The following FHIT variants were observed in gnomAD, a reference collection of about 807,000 sequenced individuals.
The protein encoded by FHIT is bis(5'-adenosyl)-triphosphatase.
FHIT carries 19 observed loss-of-function variants against 17.9 expected under a neutral mutation model. The observed-to-expected ratio is 1.06, with a 90% CI of 0.74 to 1.56. FHIT has a LOEUF of 1.56. FHIT is among the 40% of genes most tolerant of loss of function. The probability of loss-of-function intolerance (pLI) is 0.00; values close to 1 mark genes in which losing one functional copy is unlikely to be tolerated. For synonymous variants in FHIT, 81 were observed against 69.7 expected (o/e 1.16, Z -0.81); for missense variants, 248 against 189.2 (o/e 1.31, Z -1.82).
At chr3:59,813,000 T>G (rs570665807) in intron 8 of FHIT, among the ~76,000 whole-genome samples, 2 of 152,292 alleles carry the variant, frequency 1.3e-5, no homozygotes, top group East Asian at 3.9e-4. Context: ...CAGTAAGTCC[T>G]AATCACGCTT....
intron 2 of FHIT, among the ~76,000 whole-genome samples, chr3:61,186,941 G>T (rs1197253779): frequency 1.3e-5 from 2 of 152,066 alleles, no homozygotes; most frequent in Non-Finnish European, 2.9e-5. Context: ...GCTATGTTTT[G>T]CCTCTTGATG....
chr3:61,009,788 G>A (rs2031684303), intron 3 of FHIT, among the ~76,000 whole-genome samples: 1 of 151,928 alleles, frequency 6.6e-6, no homozygotes, highest in African/African-American at 2.4e-5. Context: ...AATAAATAAT[G>A]AAATTACAAC....
intron 2 of FHIT, among the ~76,000 whole-genome samples, chr3:61,178,085 T>G (rs945490750): frequency 6.6e-6 from 1 of 152,224 alleles, no homozygotes; most frequent in Non-Finnish European, 1.5e-5. Flanking sequence ...AGAATTCTTC[T>G]TAGGACCACC....
intron 4 of FHIT, among the ~76,000 whole-genome samples, chr3:60,651,576 A>T (rs553387725): frequency 2.7e-4 from 41 of 152,146 alleles, no homozygotes; most frequent in African/African-American, 9.4e-4. Context: ...ATGAATTTTT[A>T]AAATAAATTA....
chr3:59,796,319 C>T (rs570253216), intron 8 of FHIT, among the ~76,000 whole-genome samples: 13 of 152,174 alleles, frequency 8.5e-5, no homozygotes, highest in Admixed American at 3.3e-4. Flanking sequence ...GCAACACCCC[C>T]AGACCCTCTA....
chr3:61,228,378 C>T lies in FHIT; in HGVS notation c.-213+22923G>A, dbSNP rs530763951. 2.4e-4 allele frequency among the ~76,000 whole-genome samples: 36 copies of T among 152,278 alleles called. 1 individual carries two copies. The highest frequency in any genetic ancestry group is 2.2e-3 in the Admixed American group (34 of 15,294). ...TTATTAAACTAGCTCTTATTTTCCT[C>T]GTCACCTCTCCACCCAGTTAAATAT... On this transcript the variant is annotated intron_variant, in intron 1 of 9. Coordinates refer to ENST00000492590, the MANE Select transcript of FHIT (RefSeq NM_002012.4).
chr3:60,611,353 A>C (rs1450378110), intron 4 of FHIT, among the ~76,000 whole-genome samples: 5 of 152,196 alleles, frequency 3.3e-5, no homozygotes, highest in African/African-American at 1.2e-4. Flanking sequence ...TATCACAGAA[A>C]TATATGGCAG....
At chr3:60,608,277 T>C (rs1344013002) in intron 4 of FHIT, among the ~76,000 whole-genome samples, 1 of 152,178 alleles carries the variant, frequency 6.6e-6, no homozygotes, top group African/African-American at 2.4e-5. Context: ...CCTGAGCCAA[T>C]TATTCTAGAC....
At chr3:60,218,102 T>C (rs1347193251) in intron 5 of FHIT, among the ~76,000 whole-genome samples, 1 of 152,146 alleles carries the variant, frequency 6.6e-6, no homozygotes, top group Admixed American at 6.5e-5. Context: ...TAATTTCTAA[T>C]ATGGCAAATA....
chr3:60,667,972 G>C (rs1418332005), intron 4 of FHIT, among the ~76,000 whole-genome samples: 1 of 151,970 alleles, frequency 6.6e-6, no homozygotes, highest in Non-Finnish European at 1.5e-5. Context: ...AGAGGAATAC[G>C]GTGGGGTCTG....
chr3:59,977,513 G>A (rs565487976), intron 7 of FHIT, among the ~76,000 whole-genome samples: 9 of 152,250 alleles, frequency 5.9e-5, no homozygotes, highest in African/African-American at 1.7e-4. Flanking sequence ...AGAAATAAAC[G>A]TATTTAAGTT....
chr3:60,272,859 TC>T (rs1706931007), intron 5 of FHIT, among the ~76,000 whole-genome samples: 11 of 152,312 alleles, frequency 7.2e-5, no homozygotes, highest in Admixed American at 5.2e-4. Flanking sequence ...AGCTCCTGCA[TC>T]CACTACTAAC....
chr3:60,644,799 G>C (rs2856067), intron 4 of FHIT, among the ~76,000 whole-genome samples: 1 of 151,954 alleles, frequency 6.6e-6, no homozygotes, highest in African/African-American at 2.4e-5. Flanking sequence ...TCTCAGCTTG[G>C]CCCTGCTTCA....
rs1357796829 is a variant in FHIT, at chr3:60,716,566, T to G, written c.-18+105353A>C. Among the ~76,000 whole-genome samples the G allele has an allele frequency of 3.3e-5, 5 of 152,256 alleles. No homozygotes were observed. In the South Asian group the frequency reaches 8.3e-4, roughly 25 times the overall value. Reference sequence around the variant, plus strand: ...TCTTACCTCCAATGAAAACAATGCCTTCTTCTGAATACCTCCTGGAGTTCT... The same window carrying G: ...TCTTACCTCCAATGAAAACAATGCCGTCTTCTGAATACCTCCTGGAGTTCT... On this transcript the variant is annotated intron_variant, in intron 4 of 9. Transcript: ENST00000492590.
At chr3:60,091,941 C>T (rs868774841) in intron 5 of FHIT, among the ~76,000 whole-genome samples, 25 of 152,144 alleles carry the variant, frequency 1.6e-4, no homozygotes, top group African/African-American at 5.8e-4. Context: ...TATTTCTTTA[C>T]AGCAATGTGA....
At chr3:60,798,085 C>A (rs1701050193) in intron 4 of FHIT, among the ~76,000 whole-genome samples, 1 of 152,264 alleles carries the variant, frequency 6.6e-6, no homozygotes, top group Non-Finnish European at 1.5e-5. Context: ...TGGGCTGTTA[C>A]AACGACTCTT....
At chr3:60,467,064 G>A (rs2032836935) in intron 5 of FHIT, among the ~76,000 whole-genome samples, 1 of 151,828 alleles carries the variant, frequency 6.6e-6, no homozygotes, top group Non-Finnish European at 1.5e-5. Context: ...GTCTGTTCAG[G>A]TTTTGCATTT....
At chr3:61,041,648 T>C (rs2033522976) in intron 3 of FHIT, among the ~76,000 whole-genome samples, 1 of 149,508 alleles carries the variant, frequency 6.7e-6, no homozygotes, top group African/African-American at 2.5e-5. Flanking sequence ...CTATAATTTA[T>C]AGACAGGTAT....
chr3:59,959,532 C>G (rs1305057758), intron 7 of FHIT, among the ~76,000 whole-genome samples: 1 of 152,194 alleles, frequency 6.6e-6, no homozygotes, highest in Non-Finnish European at 1.5e-5. Flanking sequence ...GGTAAGAGAT[C>G]TCATGACAGG....
Sources: allele counts gnomAD v4.1 joint callset (sites outside exome capture counted in the v4.1 genomes callset), GRCh38; gene constraint gnomAD v4.1.1; transcripts MANE v1.5; gene names NCBI Gene and HGNC (gene_info 2026-07-23, HGNC 2026-07-21).